The following SFXN5 variants were observed in gnomAD, a reference collection of about 807,000 sequenced individuals.
SFXN5 encodes sideroflexin 5.
In SFXN5, 43 loss-of-function variants were observed where a neutral mutation model predicts 50.2. The observed-to-expected ratio is 0.86, with a 90% CI of 0.67 to 1.11. The LOEUF (loss-of-function observed/expected upper bound fraction) is 1.11. Ranked by LOEUF, SFXN5 falls within the 50% of genes least tolerant of loss-of-function variation. The probability of loss-of-function intolerance (pLI) is 0.00; values close to 1 mark genes in which losing one functional copy is unlikely to be tolerated. For missense variants in SFXN5, 463 were observed against 454.1 expected (o/e 1.02, Z -0.18); for synonymous variants, 203 against 185.8 (o/e 1.09, Z -0.75).
intron 3 of SFXN5, 124 bp downstream of exon 3, chr2:73,040,730 G>A (rs1679509853): frequency 4.4e-6 from 3 of 684,344 alleles, no homozygotes; most frequent in Admixed American, 2.9e-5. Context: ...AGTCCACAGG[G>A]GTATGTACCA....
chr2:73,007,721 CTT>C (rs1574100535), intron 6 of SFXN5, among the ~76,000 whole-genome samples: 1 of 152,186 alleles, frequency 6.6e-6, no homozygotes, highest in East Asian at 1.9e-4. Context: ...AAATGTTCCT[CTT>C]TGTCATCCAC....
At chr2:72,962,279 G>A (rs1002620582) in intron 12 of SFXN5, among the ~76,000 whole-genome samples, 6 of 152,180 alleles carry the variant, frequency 3.9e-5, no homozygotes, top group Admixed American at 1.3e-4. Context: ...GCTCTTATCC[G>A]CCGCCCCCAG....
At chr2:72,994,578 C>G (rs151323102) in intron 9 of SFXN5, among the ~76,000 whole-genome samples, 14 of 152,184 alleles carry the variant, frequency 9.2e-5, no homozygotes, top group Admixed American at 2.6e-4. Context: ...ATGTGGCTCC[C>G]CCAGGCAGCT....
chr2:73,010,344 T>C (rs1456190770), intron 6 of SFXN5, among the ~76,000 whole-genome samples: 3 of 152,218 alleles, frequency 2.0e-5, no homozygotes, highest in African/African-American at 4.8e-5. Context: ...TTGGGAGATA[T>C]AGCCTACTAT....
Position 72,963,544 on chromosome 2 carries a change from G to C in SFXN5, c.828-2296C>G, listed in dbSNP as rs538109855. Among the ~76,000 whole-genome samples the C allele has an allele frequency of 3.6e-4, 55 of 152,162 alleles. No homozygotes were observed. The South Asian group carries it at 0.011, about 32-fold the overall frequency. On this transcript the variant is annotated intron_variant, in intron 12 of 13. Coordinates refer to ENST00000272433, the MANE Select transcript of SFXN5 (RefSeq NM_144579.3). ...CACAGTAGGACAGGGGGAAGGGAGG[G>C]GGGAGGAAAATGGCAAGGAGGGAAG... is the stretch of plus-strand genomic sequence containing the variant.
At chr2:72,982,500 C>T (rs1030372184) in intron 10 of SFXN5, among the ~76,000 whole-genome samples, 6 of 152,224 alleles carry the variant, frequency 3.9e-5, no homozygotes, top group African/African-American at 1.4e-4. Context: ...ATTGAATAAA[C>T]CCACATTGAG....
chr2:72,984,374 A>G (rs1055013350), intron 10 of SFXN5, among the ~76,000 whole-genome samples: 1 of 152,228 alleles, frequency 6.6e-6, no homozygotes, highest in Non-Finnish European at 1.5e-5. Context: ...ACACTCTGAA[A>G]AACTAGGGGG....
chr2:73,031,818 T>C (rs927762150), intron 3 of SFXN5, among the ~76,000 whole-genome samples: 1 of 152,220 alleles, frequency 6.6e-6, no homozygotes, highest in Non-Finnish European at 1.5e-5. Context: ...AGTCACTAAC[T>C]TACATAGCCT....
chr2:72,975,339 G>A (rs1394471294), intron 10 of SFXN5, among the ~76,000 whole-genome samples: 1 of 152,196 alleles, frequency 6.6e-6, no homozygotes, highest in African/African-American at 2.4e-5. Flanking sequence ...TCATGGGGGA[G>A]CCTGCCCCTG....
intron 6 of SFXN5, among the ~76,000 whole-genome samples, chr2:73,018,310 G>A (rs1676421583): frequency 6.6e-6 from 1 of 152,066 alleles, no homozygotes; most frequent in African/African-American, 2.4e-5. Flanking sequence ...GATGAACCTA[G>A]AATATCCTGT....
intron 13 of SFXN5, among the ~76,000 whole-genome samples, chr2:72,946,864 A>AG (rs1671998707): frequency 6.6e-6 from 1 of 152,156 alleles, no homozygotes; most frequent in Non-Finnish European, 1.5e-5. Flanking sequence ...CCTGATCCTC[A>AG]GGGATCAAGT....
intron 3 of SFXN5, among the ~76,000 whole-genome samples, chr2:73,024,676 C>T (rs1356564016): frequency 1.3e-5 from 2 of 152,016 alleles, no homozygotes; most frequent in Non-Finnish European, 2.9e-5. Context: ...AAAAAGGACA[C>T]CATGGGCAAA....
chr2:72,987,575 G>A (rs1672066053), intron 10 of SFXN5, among the ~76,000 whole-genome samples: 1 of 151,012 alleles, frequency 6.6e-6, no homozygotes, highest in South Asian at 2.1e-4. Context: ...GGCCAACATG[G>A]TGAAACCCCA....
chr2:73,047,610 T>C (rs1241846591), intron 2 of SFXN5, among the ~76,000 whole-genome samples: 1 of 151,936 alleles, frequency 6.6e-6, no homozygotes, highest in African/African-American at 2.4e-5. Context: ...GATGGTTTTA[T>C]AAATCAGAGT....
intron 1 of SFXN5, among the ~76,000 whole-genome samples, chr2:73,069,828 A>G (rs1316050116): frequency 2.0e-5 from 3 of 152,182 alleles, no homozygotes; most frequent in Non-Finnish European, 4.4e-5. Flanking sequence ...GAAAAAGAAA[A>G]AAAAAAAGGA....
chr2:73,010,650 A>T (rs1464268775), intron 6 of SFXN5, among the ~76,000 whole-genome samples: 2 of 152,268 alleles, frequency 1.3e-5, no homozygotes, highest in South Asian at 4.1e-4. Context: ...AGAAAACCAC[A>T]ATAAATCCCA....
intron 7 of SFXN5, among the ~76,000 whole-genome samples, 158 bp downstream of exon 7, chr2:73,001,367 T>A (rs998572917): frequency 2.8e-4 from 43 of 152,208 alleles, no homozygotes; most frequent in Non-Finnish European, 5.9e-5. Flanking sequence ...GCCAAAGTCC[T>A]GGTTTTCCTT....
At chr2:73,035,164 AC>A (rs1479109493) in intron 3 of SFXN5, among the ~76,000 whole-genome samples, 1 of 152,016 alleles carries the variant, frequency 6.6e-6, no homozygotes, top group Non-Finnish European at 1.5e-5. Context: ...ATGGTGCAAT[AC>A]CTGCCACTTC....
intron 11 of SFXN5, among the ~76,000 whole-genome samples, chr2:72,968,940 T>C (rs1317938210): frequency 1.3e-5 from 2 of 151,958 alleles, no homozygotes; most frequent in Non-Finnish European, 1.5e-5. Context: ...GTAGCTGGGA[T>C]TACAGGTGCG....
Sources: gnomAD v4.1 joint callset for allele counts (sites outside exome capture counted in the v4.1 genomes callset) on GRCh38, gnomAD v4.1.1 for gene constraint, MANE v1.5 for transcripts, NCBI Gene and HGNC (gene_info 2026-07-23, HGNC 2026-07-21) for gene names.